Variants in CPS1 observed in about 807,000 individuals in gnomAD.
The protein encoded by CPS1 is carbamoyl-phosphate synthase [ammonia], mitochondrial.
CPS1 carries 109 observed loss-of-function variants against 174.6 expected under a neutral mutation model. The ratio of observed to expected loss-of-function variants is 0.62; its 90% CI spans 0.53 to 0.73. CPS1 has a LOEUF of 0.73. Among genes scored for constraint, CPS1 ranks in the 30% least tolerant of loss-of-function variants. CPS1 has a pLI of 0.00. For synonymous variants in CPS1, 637 were observed against 632.0 expected (o/e 1.01, Z -0.12); for missense variants, 1,689 against 1,821.9 (o/e 0.93, Z 1.33).
In CPS1 at chr2:210,582,709, G is replaced by A. The variant is rs1697965597; in HGVS notation, c.621G>A (p.Lys207=). The A allele has an allele frequency of 1.2e-6, 2 of 1,606,442 alleles. No individual in the cohort carries two copies. The highest frequency in any genetic ancestry group is 2.2e-5 in the East Asian group (1 of 44,816). The part of the protein sequence containing the change: ...KQNLIAEVST[K]DVKVYGKGNP... The stretch of plus-strand genomic sequence containing the variant: ...ATTTGATTGCTGAGGTTTCAACCAA[G>A]GTGAGGGGTTTTCCTTTATATTTTG... Residue 207 remains lysine (K), a splice_region_variant and synonymous_variant, in exon 6 of 38, where the codon AAG becomes AAA. Transcript: ENST00000233072.
At chr2:210,625,473 G>A (rs1699670747) in intron 21 of CPS1, among the ~76,000 whole-genome samples, 2 of 151,932 alleles carry the variant, frequency 1.3e-5, no homozygotes, top group Non-Finnish European at 2.9e-5. Context: ...GTTTTTAGGA[G>A]GTATGTGTCT....
chr2:210,492,390 T>C (rs1694896504), intron 1 of CPS1, among the ~76,000 whole-genome samples: 4 of 152,330 alleles, frequency 2.6e-5, no homozygotes, highest in African/African-American at 9.6e-5. Context: ...TTTTTCTTTT[T>C]TAAGAAATGC....
chr2:210,551,097 A>G (rs190490901), intron 1 of CPS1, among the ~76,000 whole-genome samples: 2 of 151,998 alleles, frequency 1.3e-5, no homozygotes, highest in Admixed American at 6.6e-5. Context: ...GCTCATTTCC[A>G]TATAAATCAA....
intron 13 of CPS1, 129 bp from the exon 14 acceptor site, chr2:210,599,243 T>A: frequency 1.3e-6 from 1 of 774,690 alleles, no homozygotes; most frequent in Non-Finnish European, 2.3e-6. Context: ...CATTCACTAG[T>A]CCTGTTACGG....
intron 1 of CPS1, among the ~76,000 whole-genome samples, chr2:210,564,598 G>C (rs767317437): frequency 6.6e-6 from 1 of 151,936 alleles, no homozygotes; most frequent in Non-Finnish European, 1.5e-5. Flanking sequence ...GGATGGTCTC[G>C]ATCTCCTGAC....
chr2:210,598,129 G>A (rs984508873), intron 13 of CPS1, among the ~76,000 whole-genome samples: 3 of 151,714 alleles, frequency 2.0e-5, no homozygotes, highest in Non-Finnish European at 4.4e-5. Context: ...GGGTTAACAT[G>A]TGAAGGATAA....
intron 1 of CPS1, among the ~76,000 whole-genome samples, chr2:210,549,623 T>C (rs1305602641): frequency 6.6e-6 from 1 of 152,046 alleles, no homozygotes; most frequent in Non-Finnish European, 1.5e-5. Flanking sequence ...CAGCTTTAGA[T>C]CAAATATTAA....
At chr2:210,507,532 A>C (rs1695322195) in intron 1 of CPS1, among the ~76,000 whole-genome samples, 1 of 151,956 alleles carries the variant, frequency 6.6e-6, no homozygotes, top group African/African-American at 2.4e-5. Context: ...TAACAATATT[A>C]ACCTTAAATG....
upstream of CPS1, chr2:210,556,524 T>G: frequency 3.5e-6 from 5 of 1,441,118 alleles, no homozygotes; most frequent in Non-Finnish European, 4.7e-6. Flanking sequence ...TCTCTGGACA[T>G]TACCTCAGGA....
chr2:210,634,353 C>T (rs1441637030), intron 21 of CPS1, among the ~76,000 whole-genome samples: 1 of 152,158 alleles, frequency 6.6e-6, no homozygotes, highest in Non-Finnish European at 1.5e-5. Flanking sequence ...TGGTGTGAGC[C>T]CGGGAGGCGG....
At position 210,647,648 on chromosome 2, in the gene CPS1, G is replaced by A. The variant is rs141261061; in HGVS notation, c.3142-215G>A. Reference sequence around the variant, plus strand: ...TGTGAGTGTCACAAATGATATTCACGTGTACTTGTATGGAAATCTTGCACA... The same window carrying A: ...TGTGAGTGTCACAAATGATATTCACATGTACTTGTATGGAAATCTTGCACA... On this transcript the variant is annotated intron_variant, in intron 25 of 37. Coordinates refer to ENST00000233072, the MANE Select transcript of CPS1 (RefSeq NM_001875.5). Among the ~76,000 whole-genome samples the A allele has an allele frequency of 1.1e-3, 169 of 152,232 alleles. 1 individual carries two copies. The highest frequency in any genetic ancestry group is 3.9e-3 in the South Asian group (19 of 4,814).
At chr2:210,571,052 G>A (rs1697463447) in intron 1 of CPS1, among the ~76,000 whole-genome samples, 1 of 151,888 alleles carries the variant, frequency 6.6e-6, no homozygotes, top group Non-Finnish European at 1.5e-5. Flanking sequence ...AGAAACATGC[G>A]AAGCTGATTT....
intron 21 of CPS1, among the ~76,000 whole-genome samples, chr2:210,633,762 A>G (rs1699943720): frequency 6.6e-6 from 1 of 152,230 alleles, no homozygotes; most frequent in Admixed American, 6.5e-5. Flanking sequence ...TAAAAATTGC[A>G]ACAACAAACA....
At chr2:210,551,049 C>A (rs996945692) in intron 1 of CPS1, among the ~76,000 whole-genome samples, 2 of 151,750 alleles carry the variant, frequency 1.3e-5, no homozygotes, top group African/African-American at 4.8e-5. Context: ...AACTTTGGGC[C>A]TCTTGCTATG....
intron 25 of CPS1, among the ~76,000 whole-genome samples, chr2:210,645,955 A>C (rs981046422): frequency 2.0e-5 from 3 of 152,188 alleles, no homozygotes; most frequent in African/African-American, 7.2e-5. Flanking sequence ...TTATCTTACT[A>C]TTGTTTTGAA....
At chr2:210,557,565 C>T (rs997289610) in intron 1 of CPS1, among the ~76,000 whole-genome samples, 7 of 151,968 alleles carry the variant, frequency 4.6e-5, no homozygotes, top group Non-Finnish European at 1.0e-4. Flanking sequence ...TATGAAATTC[C>T]TGTAGGAACC....
At chr2:210,572,640 A>G (rs988636482) in intron 1 of CPS1, among the ~76,000 whole-genome samples, 1 of 152,054 alleles carries the variant, frequency 6.6e-6, no homozygotes, top group Non-Finnish European at 1.5e-5. Flanking sequence ...TAGAGAAGGA[A>G]GTAGACATGG....
At chr2:210,629,932 G>A (rs1699814690) in intron 21 of CPS1, among the ~76,000 whole-genome samples, 1 of 151,286 alleles carries the variant, frequency 6.6e-6, no homozygotes, top group African/African-American at 2.4e-5. Flanking sequence ...AATTAGCCGG[G>A]CGTGGTGGCA....
Position 210,582,608 on chromosome 2 carries a change from A to G in CPS1, c.529-9A>G. The G allele has an allele frequency of 6.2e-7, 1 of 1,609,122 alleles. No individual in the cohort carries two copies. The highest frequency in any genetic ancestry group is 8.5e-7 in the Non-Finnish European group (1 of 1,175,748). ...TCCTTTTAACTGTCTAATTTTTTTA[A>G]TTTGATAGGGTACCATGCTTGGGAA... On this transcript the variant is annotated splice_polypyrimidine_tract_variant and intron_variant, in intron 5 of 37. Transcript: ENST00000233072.
Sources: gnomAD v4.1 joint callset for allele counts (sites outside exome capture counted in the v4.1 genomes callset) on GRCh38, gnomAD v4.1.1 for gene constraint, MANE v1.5 for transcripts, NCBI Gene and HGNC (gene_info 2026-07-23, HGNC 2026-07-21) for gene names.